PAFAH1B2: variants seen among roughly 807,000 people sequenced by gnomAD.
PAFAH1B2 encodes the protein platelet activating factor acetylhydrolase 1b catalytic subunit 2, also known as platelet-activating factor acetylhydrolase IB subunit alpha2.
Under a neutral mutation model 28.0 loss-of-function variants are expected in PAFAH1B2, and 8 were observed. The ratio of observed to expected loss-of-function variants is 0.29; its 90% CI spans 0.17 to 0.52. PAFAH1B2 has a LOEUF of 0.52. PAFAH1B2 is among the 20% of genes least tolerant of loss of function. The pLI, the probability that PAFAH1B2 is intolerant of heterozygous loss-of-function variation, is 0.97. For synonymous variants in PAFAH1B2, 104 were observed against 103.2 expected, an observed-to-expected ratio of 1.01 and a Z score of -0.05; for missense variants, 190 against 282.6, an observed-to-expected ratio of 0.67 and a Z score of 2.35.
chr11:117,174,950 C>T (rs1350255901), downstream of PAFAH1B2: 1 of 1,514,284 alleles, frequency 6.6e-7, no homozygotes, highest in Admixed American at 2.1e-5. Context: ...CCTGAGCCAC[C>T]TGAAGCTTCC....
intron 1 of PAFAH1B2, among the ~76,000 whole-genome samples, chr11:117,150,617 AAACT>A (rs1956126844): frequency 6.6e-6 from 1 of 152,166 alleles, no homozygotes; most frequent in Non-Finnish European, 1.5e-5. Flanking sequence ...TGATTCTAAA[AAACT>A]ACTGCTTTGG....
At chr11:117,155,213 C>G (rs947168511) in intron 2 of PAFAH1B2, among the ~76,000 whole-genome samples, 1 of 151,224 alleles carries the variant, frequency 6.6e-6, no homozygotes, top group African/African-American at 2.5e-5. Context: ...CCTTAGCCTC[C>G]CAAAATGCTG....
At chr11:117,164,384 G>A (rs543936579) in intron 5 of PAFAH1B2, among the ~76,000 whole-genome samples, 1 of 144,114 alleles carries the variant, frequency 6.9e-6, no homozygotes, top group Non-Finnish European at 1.5e-5. Flanking sequence ...TCCAGCCTGG[G>A]TGACAGAGCG....
chr11:117,175,429 C>T (rs1459758522), downstream of PAFAH1B2: 6 of 1,047,724 alleles, frequency 5.7e-6, no homozygotes, highest in African/African-American at 1.0e-4. Flanking sequence ...CTGGGAACAG[C>T]AAGAAAATGT....
chr11:117,152,763 A>G (rs942428848), intron 2 of PAFAH1B2, among the ~76,000 whole-genome samples: 10 of 152,166 alleles, frequency 6.6e-5, no homozygotes, highest in Admixed American at 2.6e-4. Context: ...CAAAGGGGCA[A>G]TTAAAAAAAA....
rs1398710471 is a variant in PAFAH1B2 at position 117,144,361 on chromosome 11, C to T, written c.-65C>T. On this transcript the variant is annotated 5_prime_UTR_variant, in exon 1 of 6. Coordinates refer to ENST00000527958, the MANE Select transcript of PAFAH1B2 (RefSeq NM_002572.4). Reference sequence around the variant, plus strand: ...GGACCGACGGGACCGAGCGAGCGACCGACGCGCCACCCGCCGACGCCTCAG... The same window carrying T: ...GGACCGACGGGACCGAGCGAGCGACTGACGCGCCACCCGCCGACGCCTCAG... 2.1e-5 allele frequency: 9 copies of T among 419,102 alleles called. No individual in the cohort carries two copies. The highest frequency in any genetic ancestry group is 3.4e-5 in the Non-Finnish European group (7 of 205,924). The allele number at this position is 419,102 out of a possible 1,614,324, so 26.0% of individuals were successfully genotyped here.
rs1363107172 is a variant in PAFAH1B2 at position 117,167,596 on chromosome 11, A to C, written c.587A>C (p.His196Pro). Residue 196 changes from histidine to proline, a missense_variant, in exon 6 of 6, where the codon CAT becomes CCT. Coordinates refer to ENST00000527958, the MANE Select transcript of PAFAH1B2 (RefSeq NM_002572.4). Reference sequence around the variant, plus strand: ...TGCCACGACATGTTTGATTTTCTGCATCTGACAGGAGGGGGCTATGCAAAG... The same window carrying C: ...TGCCACGACATGTTTGATTTTCTGCCTCTGACAGGAGGGGGCTATGCAAAG... ...ISCHDMFDFL[H>P]LTGGGYAKIC... 6.2e-7 allele frequency: 1 copy of C among 1,612,650 alleles called. No homozygotes were observed. Among genetic ancestry groups the C allele is most frequent in the Non-Finnish European group, 8.5e-7 (1 of 1,179,200 alleles).
chr11:117,146,706 AC>A (rs1396048364), intron 1 of PAFAH1B2, among the ~76,000 whole-genome samples: 2 of 152,064 alleles, frequency 1.3e-5, no homozygotes, highest in African/African-American at 4.8e-5. Context: ...AAAACAAAAA[AC>A]AAAACACAGC....
intron 1 of PAFAH1B2, among the ~76,000 whole-genome samples, chr11:117,147,467 G>A (rs771822870): frequency 6.6e-6 from 1 of 152,032 alleles, no homozygotes; most frequent in Non-Finnish European, 1.5e-5. Context: ...CAAAGTGCTG[G>A]GATTACAGGC....
In PAFAH1B2 at chr11:117,168,681, G is replaced by T. The variant is rs1956577518; in HGVS notation, c.*982G>T. ...TTAAAACCTGTTAACAGTTTTTTTTGGGGGTGGGGGGATTCAGAACTCTTG... is the reference window on the plus strand; with the variant it reads ...TTAAAACCTGTTAACAGTTTTTTTTTGGGGTGGGGGGATTCAGAACTCTTG... On this transcript the variant is annotated 3_prime_UTR_variant, in exon 6 of 6. Coordinates refer to ENST00000527958, the MANE Select transcript of PAFAH1B2 (RefSeq NM_002572.4). 4 of 1,060,266 alleles carry T rather than the reference G, an allele frequency of 3.8e-6. No homozygotes were observed. Among genetic ancestry groups the T allele is most frequent in the Non-Finnish European group, 3.4e-6 (3 of 876,114 alleles). The allele number at this position is 1,060,266 out of a possible 1,614,324, so 65.7% of individuals were successfully genotyped here. A position where few individuals can be genotyped will look rare whatever the true frequency, so the allele number is the denominator to read the frequency against.
At chr11:117,175,067 T>C (rs2029898819), downstream of PAFAH1B2, 1 of 1,299,712 alleles carries the variant, frequency 7.7e-7, no homozygotes, top group Non-Finnish European at 9.8e-7. Flanking sequence ...GTCCCATTTC[T>C]TTGGTCCATT....
chr11:117,147,505 T>C (rs1956041911), intron 1 of PAFAH1B2, among the ~76,000 whole-genome samples: 1 of 152,158 alleles, frequency 6.6e-6, no homozygotes, highest in Non-Finnish European at 1.5e-5. Flanking sequence ...GCCACAACAG[T>C]TTCTCTGATT....
chr11:117,157,742 A>T (rs541053711), intron 2 of PAFAH1B2, among the ~76,000 whole-genome samples: 90 of 152,322 alleles, frequency 5.9e-4, no homozygotes, highest in African/African-American at 2.1e-3. Context: ...TCTGGGCAAC[A>T]TAGTGAGACC....
At chr11:117,171,237 G>C (rs149957446), downstream of PAFAH1B2, among the ~76,000 whole-genome samples, 3 of 152,214 alleles carry the variant, frequency 2.0e-5, no homozygotes, top group Non-Finnish European at 2.9e-5. Flanking sequence ...GGGATGAGTA[G>C]GTATAAGGAC....
At position 117,169,760 on chromosome 11, in the gene PAFAH1B2, A is replaced by G. The variant is rs1239714416; in HGVS notation, c.*2061A>G. On this transcript the variant is annotated 3_prime_UTR_variant, in exon 6 of 6. Coordinates refer to ENST00000527958, the MANE Select transcript of PAFAH1B2 (RefSeq NM_002572.4). ...AAGAGATTTTTTTCTTAGCTGAGGTATAGTTGTATAGCAAGAAGAATTAAG... is the reference window on the plus strand; with the variant it reads ...AAGAGATTTTTTTCTTAGCTGAGGTGTAGTTGTATAGCAAGAAGAATTAAG... 2 of 1,056,242 alleles carry G rather than the reference A, an allele frequency of 1.9e-6. No individual in the cohort carries two copies. The highest frequency in any genetic ancestry group is 2.3e-6 in the Non-Finnish European group (2 of 873,830). 65.4% of individuals were successfully genotyped at this position (1,056,242 alleles called of 1,614,324 possible).
chr11:117,170,340 C>T lies in PAFAH1B2; in HGVS notation c.*2641C>T, dbSNP rs1444204669. ...CAGCAAATTTGTATTCCTTCGCCCACGCATTCCTGCTATACTAGATGGCAG... is the reference window on the plus strand; with the variant it reads ...CAGCAAATTTGTATTCCTTCGCCCATGCATTCCTGCTATACTAGATGGCAG... On this transcript the variant is annotated 3_prime_UTR_variant, in exon 6 of 6. Transcript: ENST00000527958. The T allele has an allele frequency of 1.3e-5, 14 of 1,060,706 alleles. No homozygotes were observed. The highest frequency in any genetic ancestry group is 1.0e-4 in the East Asian group (2 of 19,780). The allele number at this position is 1,060,706 out of a possible 1,614,324, so 65.7% of individuals were successfully genotyped here.
chr11:117,174,504 AGTG>A (rs1956738322), downstream of PAFAH1B2, among the ~76,000 whole-genome samples: 1 of 133,524 alleles, frequency 7.5e-6, no homozygotes, highest in Non-Finnish European at 1.6e-5. Context: ...CTTTTTTTTT[AGTG>A]GTGTTTCACT....
In PAFAH1B2 at chr11:117,170,678, C is replaced by G. The variant is rs1956632796; in HGVS notation, c.*2979C>G. On this transcript the variant is annotated 3_prime_UTR_variant, in exon 6 of 6. Coordinates refer to ENST00000527958, the MANE Select transcript of PAFAH1B2 (RefSeq NM_002572.4). ...ACTTACTTTATTTTATTTTTTTAAC[C>G]TAGTCACTGTTTACAATTGTATGCT... 2.9e-6 allele frequency: 3 copies of G among 1,044,600 alleles called. No homozygotes were observed. Among genetic ancestry groups the G allele is most frequent in the Non-Finnish European group, 2.3e-6 (2 of 867,804 alleles). The allele number at this position is 1,044,600 out of a possible 1,614,324, so 64.7% of individuals were successfully genotyped here.
In PAFAH1B2 at chr11:117,169,248, C is replaced by T. The variant is rs1956590284; in HGVS notation, c.*1549C>T. ...TCTGAGGTGTCTTATTAATGTACTT[C>T]ATCTGAGAATTTGTTGATCTTAATG... On this transcript the variant is annotated 3_prime_UTR_variant, in exon 6 of 6. Transcript: ENST00000527958. 2.6e-5 allele frequency: 27 copies of T among 1,037,284 alleles called. No homozygotes were observed. Among genetic ancestry groups the T allele is most frequent in the African/African-American group, 3.4e-5 (2 of 59,458 alleles). The allele number at this position is 1,037,284 out of a possible 1,614,324, so 64.3% of individuals were successfully genotyped here.
Sources: gnomAD v4.1 joint callset for allele counts (sites outside exome capture counted in the v4.1 genomes callset) on GRCh38, gnomAD v4.1.1 for gene constraint, MANE v1.5 for transcripts, NCBI Gene and HGNC (gene_info 2026-07-23, HGNC 2026-07-21) for gene names.